Variants in ATP6V0A4 observed in about 807,000 individuals in gnomAD.
The protein encoded by ATP6V0A4 is V-type proton ATPase 116 kDa subunit a 4.
In ATP6V0A4, 86 loss-of-function variants were observed where a neutral mutation model predicts 107.3. That is an observed-to-expected ratio of 0.80 (90% CI 0.67 to 0.96). The LOEUF is 0.96. Among genes scored for constraint, ATP6V0A4 ranks in the 40% least tolerant of loss-of-function variants. ATP6V0A4 has a pLI of 0.00. For synonymous variants in ATP6V0A4, 353 were observed against 381.4 expected (o/e 0.93, Z 0.87); for missense variants, 908 against 1,045.6 (o/e 0.87, Z 1.81).
chr7:138,749,600 G>A (rs1331981086), intron 11 of ATP6V0A4, among the ~76,000 whole-genome samples: 4 of 152,008 alleles, frequency 2.6e-5, no homozygotes, highest in African/African-American at 9.7e-5. Context: ...ATGACTCCTG[G>A]CCCTCTATGC....
At position 138,771,201 on chromosome 7, in the gene ATP6V0A4, A is replaced by G; in HGVS notation, c.47T>C (p.Phe16Ser). The change falls in exon 3 of 22, where the codon TTT becomes TCT. Residue 16 changes from phenylalanine (F) to serine (S), a missense_variant. By Grantham distance (155) the Phe-to-Ser change is radical (BLOSUM62 -2). Transcript: ENST00000310018. ...GCAATATGCAGCTTCCACCTGGAGA[A>G]ACAGTTGTGACAAACACATCTCCTC... Reference protein sequence around the residue: ...RSEEMCLSQLFLQVEAAYCCV... With the variant: ...RSEEMCLSQLSLQVEAAYCCV... 6.2e-7 allele frequency: 1 copy of G among 1,614,214 alleles called. No homozygotes were observed.
chr7:138,725,213 A>G (rs897881221), intron 18 of ATP6V0A4, among the ~76,000 whole-genome samples: 1 of 152,212 alleles, frequency 6.6e-6, no homozygotes, highest in Admixed American at 6.5e-5. Context: ...TGAGTCAGCT[A>G]TGATCCCACC....
chr7:138,777,778 G>A lies in ATP6V0A4; in HGVS notation c.-17-6514C>T, dbSNP rs114148276. On this transcript the variant is annotated intron_variant, in intron 2 of 21. Coordinates refer to ENST00000310018, the MANE Select transcript of ATP6V0A4 (RefSeq NM_020632.3). The stretch of plus-strand genomic sequence containing the variant: ...TATATACAGCAAACATAAGCAGACT[G>A]TGAAAGCTGGACAGAAGATAGACCC... Among the ~76,000 whole-genome samples, 489 of 152,240 alleles carry A rather than the reference G, an allele frequency of 3.2e-3. 5 individuals are homozygous for A. The highest frequency in any genetic ancestry group is 0.011 in the African/African-American group (460 of 41,538).
At chr7:138,708,427 G>A (rs1803563537) in intron 21 of ATP6V0A4, among the ~76,000 whole-genome samples, 15 of 152,086 alleles carry the variant, frequency 9.9e-5, no homozygotes, top group Admixed American at 9.8e-4. Flanking sequence ...TGGAGGCAGG[G>A]GATGCTGTGG....
At position 138,717,640 on chromosome 7, in the gene ATP6V0A4, GC is replaced by G. The variant is rs1804114733; in HGVS notation, c.2140-1760del. Among the ~76,000 whole-genome samples, 4 of 152,226 alleles carry G rather than the reference GC, an allele frequency of 2.6e-5. No homozygotes were observed. The South Asian group carries it at 8.3e-4, about 32-fold the overall frequency. On this transcript the variant is annotated intron_variant, in intron 19 of 21. Transcript: ENST00000310018. The stretch of plus-strand genomic sequence containing the variant: ...TAACAAAACAAGGCCGGGCACGGTG[GC>G]TCATGCCTGTAATCCCAGCACTTTG...
At chr7:138,780,469 C>T (rs1807869304) in intron 2 of ATP6V0A4, among the ~76,000 whole-genome samples, 1 of 152,098 alleles carries the variant, frequency 6.6e-6, no homozygotes, top group Non-Finnish European at 1.5e-5. Flanking sequence ...GTCTATGGAC[C>T]CCCCAGTACC....
intron 2 of ATP6V0A4, among the ~76,000 whole-genome samples, chr7:138,781,839 CTCTCTT>C (rs1563019458): frequency 7.2e-5 from 3 of 41,534 alleles, no homozygotes; most frequent in African/African-American, 2.8e-4. Context: ...CTGTCTCTCT[CTCTCTT>C]TTTTTTTTTT....
At chr7:138,745,958 A>T (rs376812444) in intron 13 of ATP6V0A4, among the ~76,000 whole-genome samples, 893 of 44,196 alleles carry the variant, frequency 0.02, 15 homozygotes, top group African/African-American at 0.058. Flanking sequence ...AAAAAAAAAA[A>T]AAAAATATAT....
intron 7 of ATP6V0A4, among the ~76,000 whole-genome samples, chr7:138,760,444 C>CAAAAAAAA (rs570463822): frequency 8.2e-5 from 5 of 60,818 alleles, no homozygotes; most frequent in African/African-American, 1.2e-4. Flanking sequence ...AACTCTGTCT[C>CAAAAAAAA]AAAAAAAAAA....
Position 138,749,321 on chromosome 7 carries a change from G to GAA in ATP6V0A4, c.1030-6_1030-5dup, listed in dbSNP as rs752113040. 5.3e-5 allele frequency: 80 copies of GAA among 1,515,798 alleles called. No individual in the cohort carries two copies. Among genetic ancestry groups the GAA allele is most frequent in the Admixed American group, 2.9e-4 (16 of 55,676 alleles). The allele number at this position is 1,515,798 out of a possible 1,614,324, so 93.9% of individuals were successfully genotyped here. A position where few individuals can be genotyped will look rare whatever the true frequency, so the allele number is the denominator to read the frequency against. On this transcript the variant is annotated splice_polypyrimidine_tract_variant and splice_region_variant and intron_variant, in intron 11 of 21. Transcript: ENST00000310018. ...CCATGGAGGAGCCACTTAGTTCCTG[G>GAA]AAAAAAAAAAAAAAGCGACAAAGAT...
At chr7:138,725,980 A>AATTT (rs1804691263) in intron 18 of ATP6V0A4, among the ~76,000 whole-genome samples, 1 of 125,380 alleles carries the variant, frequency 8.0e-6, no homozygotes, top group Non-Finnish European at 1.7e-5. Flanking sequence ...GTTGAAATGA[A>AATTT]GTTTATTTAT....
intron 20 of ATP6V0A4, among the ~76,000 whole-genome samples, chr7:138,710,103 G>A (rs767114794): frequency 1.3e-5 from 2 of 151,820 alleles, no homozygotes; most frequent in Non-Finnish European, 2.9e-5. Context: ...ATGGCTCATT[G>A]CAGCCTTGAC....
chr7:138,721,499 A>T (rs751146126), intron 19 of ATP6V0A4, among the ~76,000 whole-genome samples: 1 of 152,098 alleles, frequency 6.6e-6, no homozygotes, highest in Non-Finnish European at 1.5e-5. Flanking sequence ...AAATTGGCTC[A>T]CTCCAGCCTG....
intron 2 of ATP6V0A4, among the ~76,000 whole-genome samples, chr7:138,785,347 C>T (rs1808131614): frequency 6.7e-6 from 1 of 149,348 alleles, no homozygotes; most frequent in Non-Finnish European, 1.5e-5. Flanking sequence ...GTGATCTCAG[C>T]TCACTGCAAC....
intron 2 of ATP6V0A4, among the ~76,000 whole-genome samples, chr7:138,779,396 C>T (rs552532543): frequency 2.6e-5 from 4 of 151,732 alleles, no homozygotes; most frequent in Non-Finnish European, 4.4e-5. Context: ...GAAGGATAGA[C>T]ATATAGATGG....
At chr7:138,721,787 G>C in intron 19 of ATP6V0A4, 110 bp downstream of exon 19, 1 of 1,243,284 alleles carries the variant, frequency 8.0e-7, no homozygotes, top group Admixed American at 1.8e-5. Context: ...AGCAGTGACA[G>C]GGCTACTGCC....
chr7:138,781,620 G>A (rs535917061), intron 2 of ATP6V0A4, among the ~76,000 whole-genome samples: 36 of 152,056 alleles, frequency 2.4e-4, no homozygotes, highest in African/African-American at 7.0e-4. Context: ...GTGAGCCACC[G>A]CGCCCAGCCT....
chr7:138,766,200 A>ATTTTTTTTTTTTTT (rs1398843206), intron 5 of ATP6V0A4, among the ~76,000 whole-genome samples: 1 of 84,320 alleles, frequency 1.2e-5, no homozygotes. Context: ...TCATGTTATT[A>ATTTTTTTTTTTTTT]TTATTTTTTT....
At chr7:138,717,777 G>A (rs150829923) in intron 19 of ATP6V0A4, among the ~76,000 whole-genome samples, 2,604 of 150,580 alleles carry the variant, frequency 0.017, 74 homozygotes, top group African/African-American at 0.061. Context: ...GGGTGGTGGC[G>A]CATGCCTGTA....
Sources: gnomAD v4.1 joint callset for allele counts (sites outside exome capture counted in the v4.1 genomes callset) on GRCh38, gnomAD v4.1.1 for gene constraint, MANE v1.5 for transcripts, NCBI Gene and HGNC (gene_info 2026-07-23, HGNC 2026-07-21) for gene names.